RASGRP3: variants seen among roughly 807,000 people sequenced by gnomAD.
The protein encoded by RASGRP3 is ras guanyl-releasing protein 3.
A neutral mutation model predicts 82.7 loss-of-function variants in RASGRP3; 54 were observed. That is an observed-to-expected ratio of 0.65 (90% confidence interval 0.52 to 0.82). The LOEUF (loss-of-function observed/expected upper bound fraction) is 0.82, where lower values mean the gene tolerates loss of function less well. RASGRP3 is among the 40% of genes least tolerant of loss of function. The probability of loss-of-function intolerance (pLI) is 0.00; values close to 1 mark genes in which losing one functional copy is unlikely to be tolerated. For missense variants in RASGRP3, 861 were observed against 828.9 expected (o/e 1.04, Z -0.48); for synonymous variants, 309 against 300.5 (o/e 1.03, Z -0.29).
chr2:33,545,675 T>C (rs184827543), intron 13 of RASGRP3, among the ~76,000 whole-genome samples: 1 of 152,348 alleles, frequency 6.6e-6, no homozygotes, highest in African/African-American at 2.4e-5. Flanking sequence ...TAGACACTTC[T>C]GTAAAGAAGA....
rs545795344 is a variant in RASGRP3, at chr2:33,517,125, C to A, written c.173+481C>A. Among the ~76,000 whole-genome samples, 127 of 152,298 alleles carry A rather than the reference C, an allele frequency of 8.3e-4. 1 individual carries two copies. Among genetic ancestry groups the A allele is most frequent in the African/African-American group, 3.0e-3 (124 of 41,550 alleles). On this transcript the variant is annotated intron_variant, in intron 4 of 17. Transcript: ENST00000403687. ...TGCCAAGACACAATGAACATTCTAG[C>A]AGACTTATTATAATTTGTTGACTGA...
intron 2 of RASGRP3, among the ~76,000 whole-genome samples, chr2:33,450,822 CTTTTTTTTTTTTTTTTTTTTT>C (rs1170217165): frequency 5.3e-5 from 1 of 18,978 alleles, no homozygotes; most frequent in East Asian, 1.6e-3. Context: ...TTCTTTCTTT[CTTTTTTTTTTTTTTTTTTTTT>C]TTTTTTTTTT....
At chr2:33,460,328 C>T (rs971254243) in intron 2 of RASGRP3, among the ~76,000 whole-genome samples, 3 of 151,796 alleles carry the variant, frequency 2.0e-5, no homozygotes, top group African/African-American at 7.3e-5. Context: ...AAAATAGAAC[C>T]CCATACATAT....
At chr2:33,471,202 GT>G (rs143749452) in intron 2 of RASGRP3, among the ~76,000 whole-genome samples, 14,200 of 152,080 alleles carry the variant, frequency 0.093, 902 homozygotes, top group Admixed American at 0.17. Context: ...CAATCCAAAA[GT>G]TTTTCTCTGT....
intron 7 of RASGRP3, among the ~76,000 whole-genome samples, chr2:33,523,450 C>A (rs150049943): frequency 7.4e-6 from 1 of 134,240 alleles, no homozygotes; most frequent in South Asian, 2.5e-4. Flanking sequence ...GGCAATAGAG[C>A]GACAGTCGGT....
At chr2:33,451,282 G>T (rs1423613694) in intron 2 of RASGRP3, among the ~76,000 whole-genome samples, 1 of 151,976 alleles carries the variant, frequency 6.6e-6, no homozygotes. Flanking sequence ...GAGTTGCTTT[G>T]AGTTCCTTAC....
chr2:33,514,297 T>G (rs1671217534), intron 2 of RASGRP3, among the ~76,000 whole-genome samples: 1 of 152,062 alleles, frequency 6.6e-6, no homozygotes, highest in Non-Finnish European at 1.5e-5. Flanking sequence ...TCTAAAAATT[T>G]TTTCCTTACA....
chr2:33,519,852 C>A, intron 4 of RASGRP3, 100 bp from the exon 5 acceptor site: 1 of 774,076 alleles, frequency 1.3e-6, no homozygotes, highest in Non-Finnish European at 2.2e-6. Context: ...ATAACCCCAG[C>A]ATGGTCCTCT....
intron 2 of RASGRP3, among the ~76,000 whole-genome samples, chr2:33,459,470 G>A (rs1190310907): frequency 6.6e-6 from 1 of 152,064 alleles, no homozygotes; most frequent in African/African-American, 2.4e-5. Context: ...ATTGCTTTTA[G>A]TTCATTTTTG....
chr2:33,547,050 A>G (rs1281497268), intron 13 of RASGRP3, among the ~76,000 whole-genome samples: 1 of 76,246 alleles, frequency 1.3e-5, no homozygotes, highest in Non-Finnish European at 2.6e-5. Flanking sequence ...TCTCTGTCTC[A>G]GGGAAAAAAA....
rs930664066 is a variant in RASGRP3, at chr2:33,564,048, A to G, written c.*1311A>G. On this transcript the variant is annotated 3_prime_UTR_variant, in exon 18 of 18. Coordinates refer to ENST00000403687, the MANE Select transcript of RASGRP3 (RefSeq NM_001139488.2). ...GGCTAAAGTGTATATATTCCATTTA[A>G]AATGGAATTTGTTTGTATTTGGGGC... 12 of 152,290 alleles carry G rather than the reference A, an allele frequency of 7.9e-5. No individual in the cohort carries two copies. The East Asian group carries it at 1.2e-3, about 15-fold the overall frequency. 9.4% of individuals were successfully genotyped at this position (152,290 alleles called of 1,614,324 possible). A position where few individuals can be genotyped will look rare whatever the true frequency, so the allele number is the denominator to read the frequency against.
intron 1 of RASGRP3, chr2:33,482,709 G>A (rs961868755): frequency 2.6e-5 from 4 of 152,180 alleles, no homozygotes; most frequent in African/African-American, 7.2e-5. Flanking sequence ...TCAGTTCATT[G>A]TATGACAGCA....
intron 6 of RASGRP3, 93 bp from the exon 7 acceptor site, chr2:33,521,862 G>T (rs1672065599): frequency 6.8e-7 from 1 of 1,461,406 alleles, no homozygotes; most frequent in African/African-American, 1.4e-5. Context: ...GTCCCTGGAA[G>T]CAAGCCAAGA....
intron 1 of RASGRP3, among the ~76,000 whole-genome samples, chr2:33,501,751 C>T (rs1669895161): frequency 6.6e-6 from 1 of 152,180 alleles, no homozygotes; most frequent in South Asian, 2.1e-4. Flanking sequence ...ACATGAGAAC[C>T]GTTGGCAGTT....
intron 1 of RASGRP3, among the ~76,000 whole-genome samples, chr2:33,487,685 G>A (rs1161363727): frequency 6.6e-6 from 1 of 152,216 alleles, no homozygotes; most frequent in Admixed American, 6.5e-5. Context: ...TGAGGCAGGA[G>A]GATTGCTGGA....
chr2:33,450,508 G>A (rs531022148), intron 2 of RASGRP3, among the ~76,000 whole-genome samples: 2 of 152,178 alleles, frequency 1.3e-5, no homozygotes, highest in South Asian at 2.1e-4. Context: ...ATTTCACTTA[G>A]CATAATAGTC....
At chr2:33,553,374 G>A (rs1435355676) in intron 14 of RASGRP3, among the ~76,000 whole-genome samples, 1 of 152,120 alleles carries the variant, frequency 6.6e-6, no homozygotes, top group Non-Finnish European at 1.5e-5. Context: ...GACATCATGA[G>A]CAATTAAATA....
chr2:33,498,284 A>G (rs1478151008), intron 1 of RASGRP3, among the ~76,000 whole-genome samples: 4 of 152,218 alleles, frequency 2.6e-5, no homozygotes, highest in East Asian at 1.9e-4. Context: ...TTATTATTCT[A>G]TCATACAGTT....
rs899580453 is a variant in RASGRP3, at chr2:33,441,580, C to G, written c.-385+4989C>G. The stretch of plus-strand genomic sequence containing the variant: ...CTCCATGGAATTACATACACCCTTA[C>G]AGCTTGTTGGCCTGAAAGGCATTTT... On this transcript the variant is annotated intron_variant, in intron 1 of 18. Coordinates refer to the RASGRP3 transcript ENST00000402538. 3.9e-5 allele frequency among the ~76,000 whole-genome samples: 6 copies of G among 152,360 alleles called. No individual in the cohort carries two copies. The South Asian group carries it at 6.2e-4, about 16-fold the overall frequency.
Sources: allele counts gnomAD v4.1 joint callset (sites outside exome capture counted in the v4.1 genomes callset), GRCh38; gene constraint gnomAD v4.1.1; transcripts MANE v1.5; gene names NCBI Gene and HGNC (gene_info 2026-07-23, HGNC 2026-07-21).